The following SMOC1 variants were observed in gnomAD, a reference collection of about 807,000 sequenced individuals.
The protein encoded by SMOC1 is SPARC related modular calcium binding 1, also known as SPARC-related modular calcium-binding protein 1.
A neutral mutation model predicts 56.3 loss-of-function variants in SMOC1; 22 were observed. The ratio of observed to expected loss-of-function variants is 0.39; its 90% CI spans 0.28 to 0.56. The LOEUF (loss-of-function observed/expected upper bound fraction) is 0.56. SMOC1 is among the 20% of genes least tolerant of loss of function. The pLI is 0.61. For synonymous variants in SMOC1, 193 were observed against 215.0 expected (o/e 0.90, Z 0.89); for missense variants, 509 against 565.4 (o/e 0.90, Z 1.01).
At chr14:69,921,457 T>C (rs1233337443) in intron 1 of SMOC1, among the ~76,000 whole-genome samples, 1 of 152,224 alleles carries the variant, frequency 6.6e-6, no homozygotes, top group African/African-American at 2.4e-5. Flanking sequence ...GCCAAGTTTT[T>C]CAGCAGGGCA....
chr14:69,917,333 G>A (rs1460171636), intron 1 of SMOC1, among the ~76,000 whole-genome samples: 1 of 152,206 alleles, frequency 6.6e-6, no homozygotes, highest in Admixed American at 6.5e-5. Flanking sequence ...TGCTCACGGA[G>A]CCTGTGTGCC....
intron 5 of SMOC1, among the ~76,000 whole-genome samples, chr14:69,982,546 GC>G (rs1432719935): frequency 6.6e-6 from 1 of 152,200 alleles, no homozygotes; most frequent in Middle Eastern, 3.2e-3. Context: ...GGACTGGGTG[GC>G]CCCCCAGCCT....
rs183088453 is a variant in SMOC1, at chr14:69,920,848, C to T, written c.100-31290C>T. On this transcript the variant is annotated intron_variant, in intron 1 of 11. Coordinates refer to ENST00000361956, the MANE Select transcript of SMOC1 (RefSeq NM_001034852.3). ...CTTGCCCAGTGAAGAGGGAGGGAGG[C>T]GTTCTAGGCAGAGGGCACAGCACAG... is the stretch of plus-strand genomic sequence containing the variant. Among the ~76,000 whole-genome samples the T allele has an allele frequency of 4.2e-3, 640 of 152,154 alleles. 2 individuals carry two copies. Among genetic ancestry groups the T allele is most frequent in the Admixed American group, 9.9e-3 (151 of 15,286 alleles).
chr14:70,007,656 C>T (rs780289867), intron 7 of SMOC1, among the ~76,000 whole-genome samples: 1 of 152,232 alleles, frequency 6.6e-6, no homozygotes, highest in Non-Finnish European at 1.5e-5. Context: ...GCCTGACTGT[C>T]AGGATCCCCA....
chr14:69,992,314 C>T (rs951283354), intron 5 of SMOC1, 103 bp from the exon 6 acceptor site: 13 of 1,081,750 alleles, frequency 1.2e-5, no homozygotes, highest in South Asian at 2.6e-5. Flanking sequence ...GGGACTTGGC[C>T]GGGCCTTGTA....
intron 3 of SMOC1, among the ~76,000 whole-genome samples, chr14:69,974,693 G>A (rs964603067): frequency 6.6e-6 from 1 of 152,114 alleles, no homozygotes; most frequent in African/African-American, 2.4e-5. Context: ...GTGGTGGGTA[G>A]GGTGACAGCT....
intron 10 of SMOC1, among the ~76,000 whole-genome samples, chr14:70,019,138 C>T (rs1050129578): frequency 2.0e-5 from 3 of 152,320 alleles, no homozygotes; most frequent in African/African-American, 4.8e-5. Context: ...AGAAGTGTAG[C>T]CTATGCCACC....
chr14:69,979,200 G>T (rs1884087132), intron 5 of SMOC1, among the ~76,000 whole-genome samples: 1 of 152,070 alleles, frequency 6.6e-6, no homozygotes, highest in African/African-American at 2.4e-5. Flanking sequence ...TGCCTCCAGT[G>T]CTTATGCCAT....
rs146535775 is a variant in SMOC1 at position 69,925,967 on chromosome 14, C to G, written c.100-26171C>G. ...GAGTCTTAGCTCTTCCTGCCCCCCA[C>G]TCTCCCGCAGAGACTTACTCAGCTC... On this transcript the variant is annotated intron_variant, in intron 1 of 11. Transcript: ENST00000361956. Among the ~76,000 whole-genome samples the G allele has an allele frequency of 2.5e-3, 385 of 152,240 alleles. 2 individuals are homozygous for G. Among genetic ancestry groups the G allele is most frequent in the African/African-American group, 8.8e-3 (367 of 41,542 alleles).
chr14:69,929,734 A>G (rs1175806191), intron 1 of SMOC1, among the ~76,000 whole-genome samples: 2 of 152,190 alleles, frequency 1.3e-5, no homozygotes, highest in East Asian at 1.9e-4. Flanking sequence ...GTACAACTCA[A>G]TAAAGAGCTT....
At chr14:69,948,814 A>T (rs1431636466) in intron 1 of SMOC1, among the ~76,000 whole-genome samples, 3 of 152,062 alleles carry the variant, frequency 2.0e-5, no homozygotes, top group African/African-American at 7.3e-5. Flanking sequence ...GCTTGTTACT[A>T]CTCTCATTTT....
intron 11 of SMOC1, among the ~76,000 whole-genome samples, chr14:70,029,281 T>G (rs926052016): frequency 6.6e-6 from 1 of 152,190 alleles, no homozygotes; most frequent in Non-Finnish European, 1.5e-5. Flanking sequence ...GCTGGGACTT[T>G]GTGTAAGTCG....
intron 1 of SMOC1, chr14:69,885,267 T>C (rs941708323): frequency 1.2e-5 from 3 of 252,488 alleles, no homozygotes; most frequent in African/African-American, 4.7e-5. Flanking sequence ...GAACAACTTC[T>C]TTTTTTTTTT....
Position 69,936,206 on chromosome 14 carries a change from G to A in SMOC1, c.100-15932G>A, listed in dbSNP as rs548084451. 5.9e-5 allele frequency among the ~76,000 whole-genome samples: 9 copies of A among 152,304 alleles called. No homozygotes were observed. The East Asian group carries it at 1.7e-3, about 29-fold the overall frequency. ...ACAGGTTACATGTGTGCCCTAGAGA[G>A]GCTGCTGAGTGCCGCTGGCAGCCCC... On this transcript the variant is annotated intron_variant, in intron 1 of 11. Transcript: ENST00000361956.
chr14:69,923,449 G>T (rs1242219767), intron 1 of SMOC1, among the ~76,000 whole-genome samples: 1 of 152,206 alleles, frequency 6.6e-6, no homozygotes, highest in Non-Finnish European at 1.5e-5. Flanking sequence ...TGGACCAGAA[G>T]GAAAGAGAGA....
intron 1 of SMOC1, among the ~76,000 whole-genome samples, chr14:69,901,760 C>T (rs1043525303): frequency 1.3e-5 from 2 of 152,228 alleles, no homozygotes; most frequent in African/African-American, 4.8e-5. Context: ...CAGTGGTGCA[C>T]ACACCACCCC....
chr14:69,961,488 C>A (rs1188500161), intron 3 of SMOC1, among the ~76,000 whole-genome samples: 2 of 151,630 alleles, frequency 1.3e-5, no homozygotes, highest in Non-Finnish European at 2.9e-5. Context: ...TCAATTGATC[C>A]TCCTACCTCA....
chr14:69,984,400 T>C (rs1023626553), intron 5 of SMOC1, among the ~76,000 whole-genome samples: 4 of 152,184 alleles, frequency 2.6e-5, no homozygotes, highest in African/African-American at 9.7e-5. Context: ...AGTTGAACTT[T>C]AAAATTTGCT....
At chr14:70,016,178 C>G (rs1885505180) in intron 10 of SMOC1, among the ~76,000 whole-genome samples, 1 of 152,168 alleles carries the variant, frequency 6.6e-6, no homozygotes, top group African/African-American at 2.4e-5. Flanking sequence ...AGGATTTGTG[C>G]CTTATCCTCA....
Sources: gnomAD v4.1 joint callset for allele counts (sites outside exome capture counted in the v4.1 genomes callset) on GRCh38, gnomAD v4.1.1 for gene constraint, MANE v1.5 for transcripts, NCBI Gene and HGNC (gene_info 2026-07-23, HGNC 2026-07-21) for gene names.